Variants in ARAP2 observed in about 807,000 individuals in gnomAD.
ARAP2 encodes the protein ArfGAP with RhoGAP domain, ankyrin repeat and PH domain 2.
ARAP2 carries 148 observed loss-of-function variants against 194.5 expected under a neutral mutation model. That is an observed-to-expected ratio of 0.76 (90% CI 0.67 to 0.87). ARAP2 has a LOEUF of 0.87. Ranked by LOEUF, ARAP2 falls within the 40% of genes least tolerant of loss-of-function variation. ARAP2 has a pLI of 0.00. For synonymous variants in ARAP2, 695 were observed against 683.5 expected (o/e 1.02, Z -0.26); for missense variants, 2,128 against 1,989.7 (o/e 1.07, Z -1.32).
chr4:36,156,366 G>GGAGGGAGC (rs2109754226), intron 15 of ARAP2, among the ~76,000 whole-genome samples: 1 of 45,124 alleles, frequency 2.2e-5, no homozygotes, highest in Non-Finnish European at 4.1e-5. Flanking sequence ...AGGGAGGGAG[G>GGAGGGAGC]GAGGGAGGGG....
chr4:36,180,370 C>T (rs1738955850), intron 8 of ARAP2, among the ~76,000 whole-genome samples: 2 of 152,040 alleles, frequency 1.3e-5, no homozygotes, highest in African/African-American at 2.4e-5. Flanking sequence ...ACATCATAAA[C>T]CAAAAGACAT....
At chr4:36,116,650 G>C (rs1263124886) in intron 25 of ARAP2, among the ~76,000 whole-genome samples, 1 of 151,800 alleles carries the variant, frequency 6.6e-6, no homozygotes, top group African/African-American at 2.4e-5. Context: ...TACATGCTGA[G>C]CAATGTGCTA....
intron 5 of ARAP2, among the ~76,000 whole-genome samples, chr4:36,022,550 G>C (rs1351504625): frequency 2.0e-5 from 3 of 151,966 alleles, no homozygotes; most frequent in Non-Finnish European, 2.9e-5. Flanking sequence ...AGGTGAAGAA[G>C]TAATCATTTA....
intron 9 of ARAP2, among the ~76,000 whole-genome samples, chr4:36,170,984 A>G (rs894547657): frequency 6.6e-6 from 1 of 152,094 alleles, no homozygotes; most frequent in Non-Finnish European, 1.5e-5. Flanking sequence ...ACTGAATCCA[A>G]CCCACAAGAG....
chr4:36,155,054 T>G (rs1434063407), intron 15 of ARAP2, among the ~76,000 whole-genome samples: 1 of 152,220 alleles, frequency 6.6e-6, no homozygotes, highest in Non-Finnish European at 1.5e-5. Context: ...ATTATATCTT[T>G]TTATCCACAG....
In ARAP2 at chr4:36,236,035, C is replaced by T. The variant is rs73130426; in HGVS notation, c.-159-6390G>A. ...CTAACCAAAATATACAAACATCAGCCGGGTGTGGTGGTGCACACCTGTAGT... is the reference window on the plus strand; with the variant it reads ...CTAACCAAAATATACAAACATCAGCTGGGTGTGGTGGTGCACACCTGTAGT... On this transcript the variant is annotated intron_variant, in intron 1 of 32. Transcript: ENST00000303965. Among the ~76,000 whole-genome samples, 783 of 151,920 alleles carry T rather than the reference C, an allele frequency of 5.2e-3. 3 individuals are homozygous for T. The highest frequency in any genetic ancestry group is 0.018 in the African/African-American group (731 of 41,436).
At chr4:36,170,170 CA>C (rs1736277981) in intron 9 of ARAP2, among the ~76,000 whole-genome samples, 1 of 152,086 alleles carries the variant, frequency 6.6e-6, no homozygotes, top group Non-Finnish European at 1.5e-5. Flanking sequence ...TTTCCAAAAA[CA>C]AAAGTACAAC....
At chr4:36,125,611 C>G (rs1409377710) in intron 21 of ARAP2, among the ~76,000 whole-genome samples, 1 of 151,872 alleles carries the variant, frequency 6.6e-6, no homozygotes, top group African/African-American at 2.4e-5. Context: ...TTGTCATGAA[C>G]AGAAATTTGT....
At chr4:36,149,648 C>T (rs1275684480) in intron 16 of ARAP2, among the ~76,000 whole-genome samples, 1 of 152,008 alleles carries the variant, frequency 6.6e-6, no homozygotes, top group Non-Finnish European at 1.5e-5. Context: ...TCATTTACTA[C>T]TTAGTAACTT....
intron 5 of ARAP2, among the ~76,000 whole-genome samples, chr4:36,028,620 G>GAA (rs5857466): frequency 6.0e-5 from 9 of 150,594 alleles, no homozygotes; most frequent in South Asian, 2.1e-4. Flanking sequence ...TTTTTTTCCT[G>GAA]AAAAAATCAG....
At chr4:36,227,744 C>A (rs566303317) in intron 2 of ARAP2, among the ~76,000 whole-genome samples, 1 of 152,230 alleles carries the variant, frequency 6.6e-6, no homozygotes, top group East Asian at 1.9e-4. Context: ...CGTGTCTCAG[C>A]AGACACACAA....
chr4:36,244,591 C>T (rs1166062136), upstream of ARAP2: 1 of 151,278 alleles, frequency 6.6e-6, no homozygotes, highest in Non-Finnish European at 1.5e-5. Flanking sequence ...CCCAGCCGGC[C>T]TCCCTGGTTC....
At chr4:36,082,590 T>C (rs1729828037) in intron 29 of ARAP2, among the ~76,000 whole-genome samples, 1 of 152,006 alleles carries the variant, frequency 6.6e-6, no homozygotes, top group Non-Finnish European at 1.5e-5. Flanking sequence ...TAAGATAATA[T>C]AGAGAGATGT....
At chr4:36,150,493 A>C (rs535584768) in intron 16 of ARAP2, among the ~76,000 whole-genome samples, 4 of 152,080 alleles carry the variant, frequency 2.6e-5, no homozygotes, top group African/African-American at 9.6e-5. Flanking sequence ...TAAAAATACA[A>C]AAATTAGCTG....
chr4:36,098,455 T>C (rs749678848), intron 27 of ARAP2, among the ~76,000 whole-genome samples: 1 of 152,054 alleles, frequency 6.6e-6, no homozygotes, highest in African/African-American at 2.4e-5. Context: ...ACAGTCTCCA[T>C]GATTTTATAA....
At chr4:36,104,094 G>A (rs913192173) in intron 27 of ARAP2, among the ~76,000 whole-genome samples, 33 of 151,894 alleles carry the variant, frequency 2.2e-4, no homozygotes, top group Admixed American at 6.6e-5. Context: ...ATGTGGGGGT[G>A]TAAGGTACAA....
intron 12 of ARAP2, among the ~76,000 whole-genome samples, chr4:36,161,146 A>AACACACACACACACAC (rs36207295): frequency 2.0e-5 from 3 of 147,888 alleles, no homozygotes; most frequent in Non-Finnish European, 4.5e-5. Flanking sequence ...CACACACACA[A>AACACACACACACACAC]ACACACACAC....
At chr4:36,220,742 A>G (rs1476238043) in intron 2 of ARAP2, among the ~76,000 whole-genome samples, 1 of 152,030 alleles carries the variant, frequency 6.6e-6, no homozygotes, top group Non-Finnish European at 1.5e-5. Flanking sequence ...TTAATTAAAA[A>G]TAGAAAAATG....
At chr4:36,111,512 G>C (rs1199022209) in intron 26 of ARAP2, among the ~76,000 whole-genome samples, 1 of 151,782 alleles carries the variant, frequency 6.6e-6, no homozygotes. Context: ...ATTCTTTCTA[G>C]GTGTACATGA....
Sources: gnomAD v4.1 joint callset for allele counts (sites outside exome capture counted in the v4.1 genomes callset) on GRCh38, gnomAD v4.1.1 for gene constraint, MANE v1.5 for transcripts, NCBI Gene and HGNC (gene_info 2026-07-23, HGNC 2026-07-21) for gene names.